SLC7A11: variants seen among roughly 807,000 people sequenced by gnomAD.
SLC7A11 encodes the protein solute carrier family 7 member 11.
In SLC7A11, 35 loss-of-function variants were observed where a neutral mutation model predicts 54.5. The ratio of observed to expected loss-of-function variants is 0.64; its 90% CI spans 0.49 to 0.85. SLC7A11 has a LOEUF of 0.85. SLC7A11 is among the 40% of genes least tolerant of loss of function. The pLI is 0.00. For synonymous variants in SLC7A11, 230 were observed against 225.2 expected, an observed-to-expected ratio of 1.02 and a Z score of -0.19; for missense variants, 583 against 618.1, an observed-to-expected ratio of 0.94 and a Z score of 0.60.
intron 2 of SLC7A11, among the ~76,000 whole-genome samples, chr4:138,234,666 A>G (rs981539167): frequency 2.0e-5 from 3 of 152,280 alleles, no homozygotes; most frequent in Admixed American, 6.5e-5. Context: ...TTTACCATTC[A>G]GTAGCAGTTT....
intron 3 of SLC7A11, among the ~76,000 whole-genome samples, chr4:138,227,280 T>A (rs1029471682): frequency 6.6e-6 from 1 of 152,166 alleles, no homozygotes; most frequent in Admixed American, 6.6e-5. Flanking sequence ...TGAGATAAAG[T>A]GGGTTGTTTC....
At chr4:138,211,504 T>G (rs1266027629) in intron 6 of SLC7A11, among the ~76,000 whole-genome samples, 3 of 151,702 alleles carry the variant, frequency 2.0e-5, no homozygotes, top group African/African-American at 7.3e-5. Context: ...AAATAGAACT[T>G]CCATATGATC....
intron 6 of SLC7A11, among the ~76,000 whole-genome samples, chr4:138,191,875 CAT>C (rs979986585): frequency 2.0e-5 from 3 of 151,970 alleles, no homozygotes; most frequent in African/African-American, 7.3e-5. Flanking sequence ...TAAACACAAA[CAT>C]ATTTGTAGGG....
intron 3 of SLC7A11, among the ~76,000 whole-genome samples, chr4:138,224,944 T>A (rs185367380): frequency 1.3e-5 from 2 of 151,896 alleles, no homozygotes; most frequent in African/African-American, 4.8e-5. Flanking sequence ...TTCAATTTTT[T>A]AAATTTATTT....
At chr4:138,209,758 G>A (rs1737503010) in intron 6 of SLC7A11, among the ~76,000 whole-genome samples, 1 of 151,992 alleles carries the variant, frequency 6.6e-6, no homozygotes. Context: ...ACAAACAAAC[G>A]AAAAAATATT....
At chr4:138,213,802 T>C (rs1186500020) in intron 6 of SLC7A11, among the ~76,000 whole-genome samples, 1 of 152,164 alleles carries the variant, frequency 6.6e-6, no homozygotes, top group East Asian at 1.9e-4. Context: ...TCATGAAAGC[T>C]GTTCCCAGCA....
intron 4 of SLC7A11, among the ~76,000 whole-genome samples, chr4:138,222,825 T>C (rs1737847347): frequency 1.3e-5 from 2 of 152,188 alleles, no homozygotes; most frequent in South Asian, 4.1e-4. Context: ...GATACCTTTT[T>C]CTCTTTAATT....
Position 138,242,192 on chromosome 4 carries a change from T to C in SLC7A11, c.-123A>G, listed in dbSNP as rs1183353090. On this transcript the variant is annotated 5_prime_UTR_variant, in exon 1 of 12. Transcript: ENST00000280612. ...TTTCAGACTGTCTCTCTCAGCGCTA[T>C]AGTGTTCACAGGTGAAAACTCAAAG... is the stretch of plus-strand genomic sequence containing the variant. 4 of 1,120,438 alleles carry C rather than the reference T, an allele frequency of 3.6e-6. No individual in the cohort carries two copies. The highest frequency in any genetic ancestry group is 1.6e-5 in the African/African-American group (1 of 63,894). The allele number at this position is 1,120,438 out of a possible 1,614,324, so 69.4% of individuals were successfully genotyped here.
At chr4:138,230,334 A>G (rs192733574) in intron 3 of SLC7A11, among the ~76,000 whole-genome samples, 19 of 151,832 alleles carry the variant, frequency 1.3e-4, no homozygotes, top group African/African-American at 4.3e-4. Flanking sequence ...TGATGAGACA[A>G]TCTGTACACC....
intron 6 of SLC7A11, among the ~76,000 whole-genome samples, chr4:138,203,034 A>C (rs1042136861): frequency 7.2e-5 from 11 of 152,116 alleles, no homozygotes; most frequent in African/African-American, 2.4e-4. Context: ...TAAGATTTCT[A>C]TTTGACCTTA....
Position 138,182,472 on chromosome 4 carries a change from A to G in SLC7A11, c.1020-79T>C, listed in dbSNP as rs1047595032. 1.5e-4 allele frequency: 124 copies of G among 844,796 alleles called. No homozygotes were observed. The African/African-American group carries it at 1.9e-3, about 13-fold the overall frequency. The allele number at this position is 844,796 out of a possible 1,614,324, so 52.3% of individuals were successfully genotyped here. A position where few individuals can be genotyped will look rare whatever the true frequency, so the allele number is the denominator to read the frequency against. ...GGAAAATCCAAAAATCCCAGAGAAA[A>G]CGTGCATCTTTTCATACCAAATGGT... On this transcript the variant is annotated intron_variant, in intron 8 of 11. Coordinates refer to ENST00000280612, the MANE Select transcript of SLC7A11 (RefSeq NM_014331.4).
At chr4:138,222,706 A>C (rs1737844917) in intron 4 of SLC7A11, among the ~76,000 whole-genome samples, 1 of 152,230 alleles carries the variant, frequency 6.6e-6, no homozygotes. Context: ...TTTGGTGTTT[A>C]GGAATGCTGT....
At chr4:138,225,770 T>C (rs1357172764) in intron 3 of SLC7A11, among the ~76,000 whole-genome samples, 1 of 152,054 alleles carries the variant, frequency 6.6e-6, no homozygotes, top group Non-Finnish European at 1.5e-5. Context: ...AGTGTTTTCT[T>C]TCAAATAGGG....
chr4:138,196,870 G>A (rs1737149694), intron 6 of SLC7A11, among the ~76,000 whole-genome samples: 1 of 152,096 alleles, frequency 6.6e-6, no homozygotes, highest in Admixed American at 6.6e-5. Context: ...ATGTTGGCCA[G>A]GCTGGTCTCA....
chr4:138,241,660 C>G (rs1188413655), intron 1 of SLC7A11, 133 bp downstream of exon 1: 2 of 685,654 alleles, frequency 2.9e-6, no homozygotes, highest in Non-Finnish European at 5.0e-6. Context: ...TTCACGTACC[C>G]GAACAAAAAT....
At chr4:138,182,162 G>A (rs1489833196) in intron 9 of SLC7A11, 135 bp downstream of exon 9, 2 of 580,018 alleles carry the variant, frequency 3.4e-6, no homozygotes, top group African/African-American at 1.9e-5. Flanking sequence ...AAGATATCCT[G>A]CCTCCCAAAC....
chr4:138,179,529 G>A (rs1254817036), intron 10 of SLC7A11, 135 bp from the exon 11 acceptor site: 11 of 650,980 alleles, frequency 1.7e-5, no homozygotes, highest in East Asian at 1.4e-4. Flanking sequence ...AGGCACCAAC[G>A]TGCCTTAGTA....
chr4:138,223,463 A>C, intron 3 of SLC7A11, 139 bp from the exon 4 acceptor site: 31 of 849,658 alleles, frequency 3.6e-5, no homozygotes, highest in Non-Finnish European at 4.7e-5. Flanking sequence ...GCAGAATCTC[A>C]GGCTCTGCCC....
chr4:138,236,242 G>A, intron 2 of SLC7A11, 83 bp downstream of exon 2: 1 of 1,233,726 alleles, frequency 8.1e-7, no homozygotes, highest in Non-Finnish European at 1.2e-6. Flanking sequence ...ACATGCATGT[G>A]TCTAACCAGT....
Sources: allele counts gnomAD v4.1 joint callset (sites outside exome capture counted in the v4.1 genomes callset), GRCh38; gene constraint gnomAD v4.1.1; transcripts MANE v1.5; gene names NCBI Gene and HGNC (gene_info 2026-07-23, HGNC 2026-07-21).